ZDHHC21: variants seen among roughly 807,000 people sequenced by gnomAD.
ZDHHC21 encodes the protein zDHHC palmitoyltransferase 21, also known as palmitoyltransferase ZDHHC21.
A neutral mutation model predicts 34.6 loss-of-function variants in ZDHHC21; 15 were observed. The ratio of observed to expected loss-of-function variants is 0.43; its 90% CI spans 0.29 to 0.67. The LOEUF (loss-of-function observed/expected upper bound fraction) is 0.67, where lower values mean the gene tolerates loss of function less well. Among genes scored for constraint, ZDHHC21 ranks in the 30% least tolerant of loss-of-function variants. The pLI is 0.14. For missense variants in ZDHHC21, 344 were observed against 327.7 expected (o/e 1.05, Z -0.38); for synonymous variants, 142 against 101.8 (o/e 1.40, Z -2.38).
At chr9:14,591,262 T>C in the ZDHHC21 span, among the ~76,000 whole-genome samples, 5 of 152,212 alleles carry the variant, frequency 3.3e-5, no homozygotes, top group South Asian at 8.3e-4. Flanking sequence ...CCTAACATAA[T>C]GGTATTAAGA....
chr9:14,623,645 G>GAA (rs71322000), intron 8 of ZDHHC21, among the ~76,000 whole-genome samples: 4 of 123,440 alleles, frequency 3.2e-5, no homozygotes, highest in African/African-American at 9.4e-5. Flanking sequence ...CAACTCAACA[G>GAA]AAAAAAAAAA....
chr9:14,624,053 G>A (rs544599838), intron 8 of ZDHHC21, among the ~76,000 whole-genome samples: 1 of 152,152 alleles, frequency 6.6e-6, no homozygotes, highest in African/African-American at 2.4e-5. Flanking sequence ...TTCTGTAGCT[G>A]TGATTCAATC....
At chr9:14,633,159 A>G (rs1827649512) in intron 8 of ZDHHC21, among the ~76,000 whole-genome samples, 1 of 152,230 alleles carries the variant, frequency 6.6e-6, no homozygotes, top group African/African-American at 2.4e-5. Context: ...CTTCACAAAG[A>G]AGAACCAAAA....
chr9:14,662,219 G>T lies in ZDHHC21; in HGVS notation c.361C>A (p.Pro121Thr). 1 of 1,601,974 alleles carries T rather than the reference G, an allele frequency of 6.2e-7. No homozygotes were observed. Among genetic ancestry groups the T allele is most frequent in the Non-Finnish European group, 8.5e-7 (1 of 1,174,652 alleles). The change falls in exon 6 of 10, where the codon CCA becomes ACA. Residue 121 changes from proline to threonine, a missense_variant. Physicochemically the swap from Pro to Thr is conservative, Grantham distance 38. Coordinates refer to ENST00000380916, the MANE Select transcript of ZDHHC21 (RefSeq NM_178566.6). The stretch of plus-strand genomic sequence containing the variant: ...CTAGAAGTGAATTATTCTTACCATG[G>T]ACAGTGATGATCCATTCTCCTCACA... ...HCVRRMDHHC[P>T]WINNCVGEDN...
At chr9:14,596,647 T>C in the ZDHHC21 span, among the ~76,000 whole-genome samples, 1 of 152,154 alleles carries the variant, frequency 6.6e-6, no homozygotes, top group African/African-American at 2.4e-5. Flanking sequence ...TAGGAAGACT[T>C]CCTTTGTCTA....
chr9:14,594,409 C>T, the ZDHHC21 span, among the ~76,000 whole-genome samples: 7,228 of 152,152 alleles, frequency 0.048, 542 homozygotes, highest in African/African-American at 0.16. Flanking sequence ...CATTACATTA[C>T]GATCAATTGA....
intron 1 of ZDHHC21, among the ~76,000 whole-genome samples, chr9:14,690,739 G>A (rs1839039198): frequency 1.3e-5 from 2 of 152,146 alleles, no homozygotes; most frequent in Non-Finnish European, 2.9e-5. Context: ...GCACAGTGAT[G>A]ATTCACATGT....
chr9:14,600,949 T>G, the ZDHHC21 span, among the ~76,000 whole-genome samples: 3 of 152,174 alleles, frequency 2.0e-5, no homozygotes, highest in East Asian at 5.8e-4. Context: ...CATGGCCATA[T>G]GCAGAAAACT....
At chr9:14,688,754 C>T (rs955328547) in intron 2 of ZDHHC21, among the ~76,000 whole-genome samples, 23 of 152,112 alleles carry the variant, frequency 1.5e-4, no homozygotes, top group African/African-American at 5.1e-4. Flanking sequence ...CCAAGCTACT[C>T]GGGAGGCTGA....
At chr9:14,674,420 A>C in intron 3 of ZDHHC21, 35 bp from the exon 4 acceptor site, 1 of 1,410,938 alleles carries the variant, frequency 7.1e-7, no homozygotes, top group South Asian at 1.5e-5. Context: ...AATTACTTAC[A>C]TAGAAAAATT....
intron 2 of ZDHHC21, among the ~76,000 whole-genome samples, chr9:14,683,943 A>T (rs1326662333): frequency 6.6e-6 from 1 of 152,214 alleles, no homozygotes; most frequent in Non-Finnish European, 1.5e-5. Flanking sequence ...AGAACCAAAG[A>T]CAAAAACCAC....
chr9:14,677,432 C>G lies in ZDHHC21; in HGVS notation c.-46+2601G>C, dbSNP rs1425804882. 5 of 152,096 alleles carry G rather than the reference C, an allele frequency of 3.3e-5. No homozygotes were observed. The South Asian group carries it at 1.0e-3, about 32-fold the overall frequency. The allele number at this position is 152,096 out of a possible 1,614,324, so 9.4% of individuals were successfully genotyped here. A position where few individuals can be genotyped will look rare whatever the true frequency, so the allele number is the denominator to read the frequency against. ...GGAAGAGGTGCAAGATCTCTCCACTCAATTAATATCTACCAGGCGTGGCTT... is the reference window on the plus strand; with the variant it reads ...GGAAGAGGTGCAAGATCTCTCCACTGAATTAATATCTACCAGGCGTGGCTT... On this transcript the variant is annotated intron_variant, in intron 3 of 9. Coordinates refer to ENST00000380916, the MANE Select transcript of ZDHHC21 (RefSeq NM_178566.6).
chr9:14,686,499 C>A (rs577394634), intron 2 of ZDHHC21, among the ~76,000 whole-genome samples: 3 of 152,188 alleles, frequency 2.0e-5, no homozygotes, highest in Non-Finnish European at 2.9e-5. Context: ...TATTACATTT[C>A]TTTTCCCTTT....
intron 1 of ZDHHC21, among the ~76,000 whole-genome samples, chr9:14,690,925 G>A (rs184234583): frequency 2.6e-5 from 4 of 152,198 alleles, no homozygotes; most frequent in African/African-American, 7.2e-5. Flanking sequence ...TTTAATGCAT[G>A]TGAAAAGTTG....
In ZDHHC21 at chr9:14,659,089, G is replaced by A. The variant is rs147242617; in HGVS notation, c.366-202C>T. On this transcript the variant is annotated intron_variant, in intron 6 of 9. Transcript: ENST00000380916. Reference sequence around the variant, plus strand: ...TATATTTGTAAAGCACTTCACAAAGGAAGTCCACATATGTGATCCCCCTTC... The same window carrying A: ...TATATTTGTAAAGCACTTCACAAAGAAAGTCCACATATGTGATCCCCCTTC... 9.6e-3 allele frequency among the ~76,000 whole-genome samples: 1,462 copies of A among 152,184 alleles called. 50 individuals carry two copies. Among genetic ancestry groups the A allele is most frequent in the Admixed American group, 0.068 (1,045 of 15,280 alleles).
rs576416313 is a variant in ZDHHC21, at chr9:14,648,048, G to A, written c.505-8036C>T. Among the ~76,000 whole-genome samples the A allele has an allele frequency of 2.7e-4, 41 of 152,040 alleles. 1 individual carries two copies. The highest frequency in any genetic ancestry group is 4.1e-4 in the Non-Finnish European group (28 of 67,958). On this transcript the variant is annotated intron_variant, in intron 7 of 9. Transcript: ENST00000380916. ...ACTTCTTCCCAGAAACTATTCTTCC[G>A]TCAGGCTCCCCCTCTCGGTAACTGG...
chr9:14,684,381 A>T (rs1243666662), intron 2 of ZDHHC21, among the ~76,000 whole-genome samples: 7 of 150,552 alleles, frequency 4.6e-5, no homozygotes, highest in Non-Finnish European at 8.9e-5. Flanking sequence ...AATGTGCAAA[A>T]ATCACAAGCA....
chr9:14,606,279 G>C (rs558693692), downstream of ZDHHC21, among the ~76,000 whole-genome samples: 40 of 152,258 alleles, frequency 2.6e-4, 1 homozygote, highest in South Asian at 8.1e-3. Context: ...GGGACTACAG[G>C]TTTGTGACTT....
At chr9:14,654,138 G>A (rs1831758211) in intron 7 of ZDHHC21, among the ~76,000 whole-genome samples, 1 of 151,972 alleles carries the variant, frequency 6.6e-6, no homozygotes, top group Non-Finnish European at 1.5e-5. Context: ...TAACTGTAGG[G>A]CACAATCCAC....
Sources: gnomAD v4.1 joint callset for allele counts (sites outside exome capture counted in the v4.1 genomes callset) on GRCh38, gnomAD v4.1.1 for gene constraint, MANE v1.5 for transcripts, NCBI Gene and HGNC (gene_info 2026-07-23, HGNC 2026-07-21) for gene names.